The following SUPT3H variants were observed in gnomAD, a reference collection of about 807,000 sequenced individuals.
The protein encoded by SUPT3H is transcription initiation protein SPT3 homolog.
A neutral mutation model predicts 44.3 loss-of-function variants in SUPT3H; 44 were observed. The observed-to-expected ratio is 0.99, with a 90% CI of 0.78 to 1.28. The LOEUF (loss-of-function observed/expected upper bound fraction) is 1.28, where lower values mean the gene tolerates loss of function less well. Ranked by LOEUF, SUPT3H falls within the 50% of genes most tolerant of loss-of-function variation. SUPT3H has a pLI of 0.00. For missense variants in SUPT3H, 380 were observed against 387.1 expected, an observed-to-expected ratio of 0.98 and a Z score of 0.15; for synonymous variants, 124 against 125.6, an observed-to-expected ratio of 0.99 and a Z score of 0.09.
intron 2 of SUPT3H, among the ~76,000 whole-genome samples, chr6:45,314,478 T>G (rs911166513): frequency 6.6e-6 from 1 of 152,180 alleles, no homozygotes; most frequent in Non-Finnish European, 1.5e-5. Flanking sequence ...CACAAATCAG[T>G]AGCTCTTCTA....
Position 45,095,206 on chromosome 6 carries a change from T to C in SUPT3H, c.186+10716A>G, listed in dbSNP as rs1797639904. Among the ~76,000 whole-genome samples the C allele has an allele frequency of 6.6e-6, 1 of 152,196 alleles. No individual in the cohort carries two copies. On this transcript the variant is annotated intron_variant, in intron 3 of 10. Coordinates refer to ENST00000371459, the MANE Select transcript of SUPT3H (RefSeq NM_003599.4). This position sits in a 1 kb window ranked among gnomAD's most constrained non-coding sequence, Gnocchi z 4.1. ...CCTATGATTCATTAGGTCCCCATGG[T>C]ACCTCTGCTTCCTTTATTTTATGCA...
intron 2 of SUPT3H, chr6:45,328,049 T>TG (rs1202416297): frequency 4.1e-6 from 1 of 246,236 alleles, no homozygotes; most frequent in African/African-American, 2.2e-5. Flanking sequence ...TACAGGAGTT[T>TG]GGGCTCCTTC....
At chr6:45,288,782 A>G (rs1172110992) in intron 2 of SUPT3H, among the ~76,000 whole-genome samples, 2 of 151,904 alleles carry the variant, frequency 1.3e-5, no homozygotes, top group Non-Finnish European at 2.9e-5. Context: ...TATAAAGAAC[A>G]CAACTTTTTC....
chr6:44,994,353 T>C (rs1419328409), intron 6 of SUPT3H, among the ~76,000 whole-genome samples: 4 of 152,158 alleles, frequency 2.6e-5, no homozygotes, highest in African/African-American at 9.7e-5. Flanking sequence ...CCACGTTGTG[T>C]CTTAGAGAAA....
chr6:45,334,964 A>G (rs1468541194), intron 2 of SUPT3H, among the ~76,000 whole-genome samples: 1 of 151,314 alleles, frequency 6.6e-6, no homozygotes, highest in Non-Finnish European at 1.5e-5. Context: ...AAGTAACAAT[A>G]ATTAAAAACT....
intron 2 of SUPT3H, among the ~76,000 whole-genome samples, chr6:45,177,188 G>A (rs1272996920): frequency 4.6e-5 from 7 of 152,156 alleles, no homozygotes; most frequent in Non-Finnish European, 8.8e-5. Context: ...TTAGAAGAAT[G>A]TATAACTAGA....
At chr6:45,295,626 T>C (rs1013767963) in intron 2 of SUPT3H, among the ~76,000 whole-genome samples, 1 of 140,518 alleles carries the variant, frequency 7.1e-6, no homozygotes, top group Non-Finnish European at 1.5e-5. Context: ...AAAGGTCTAA[T>C]ACCCAAAATC....
In SUPT3H at chr6:44,860,553, A is replaced by G. The variant is rs192294313; in HGVS notation, c.913-30696T>C. Among the ~76,000 whole-genome samples, 81 of 152,184 alleles carry G rather than the reference A, an allele frequency of 5.3e-4. No individual in the cohort carries two copies. In the East Asian group the frequency reaches 0.01, roughly 19 times the overall value. On this transcript the variant is annotated intron_variant, in intron 10 of 10. Transcript: ENST00000371459. ...ACTGGGAGTAGAACCAGGTCTCCCG[A>G]CTCTTATTCAACTGCTTTTGCCATT... is the stretch of plus-strand genomic sequence containing the variant.
chr6:44,930,074 T>C (rs1770306783), intron 10 of SUPT3H, among the ~76,000 whole-genome samples: 1 of 151,722 alleles, frequency 6.6e-6, no homozygotes, highest in Admixed American at 6.6e-5. Flanking sequence ...ATGGCGAAGT[T>C]CTACTAAAAA....
intron 11 of SUPT3H, among the ~76,000 whole-genome samples, chr6:44,821,586 A>C (rs898218516): frequency 6.6e-6 from 1 of 152,194 alleles, no homozygotes; most frequent in Non-Finnish European, 1.5e-5. Context: ...TAGCCTATCC[A>C]TATGAAAACA....
intron 2 of SUPT3H, among the ~76,000 whole-genome samples, chr6:45,113,572 C>T (rs1392234760): frequency 6.6e-6 from 1 of 151,992 alleles, no homozygotes; most frequent in Non-Finnish European, 1.5e-5. Context: ...GGTGGCTCAA[C>T]CCCAGCACTT....
intron 2 of SUPT3H, among the ~76,000 whole-genome samples, chr6:45,108,027 T>TA (rs1799517296): frequency 6.6e-6 from 1 of 152,160 alleles, no homozygotes; most frequent in Non-Finnish European, 1.5e-5. Context: ...ATCAATCTGA[T>TA]AAAGACCATA....
At chr6:45,329,483 T>C (rs1787021222) in intron 2 of SUPT3H, among the ~76,000 whole-genome samples, 1 of 151,980 alleles carries the variant, frequency 6.6e-6, no homozygotes, top group Non-Finnish European at 1.5e-5. Flanking sequence ...AAAACTTACA[T>C]GCAACTGCAT....
chr6:45,111,225 G>T lies in SUPT3H; in HGVS notation c.102-5219C>A, dbSNP rs530381172. Among the ~76,000 whole-genome samples the T allele has an allele frequency of 3.0e-4, 46 of 152,086 alleles. No homozygotes were observed. In the East Asian group the frequency reaches 7.9e-3, roughly 26 times the overall value. On this transcript the variant is annotated intron_variant, in intron 2 of 10. Coordinates refer to ENST00000371459, the MANE Select transcript of SUPT3H (RefSeq NM_003599.4). Reference sequence around the variant, plus strand: ...TTTTTGTATTTTTAGTAGAGACAGGGTTTCACCATGTTGGCCAGGCTGGTC... The same window carrying T: ...TTTTTGTATTTTTAGTAGAGACAGGTTTTCACCATGTTGGCCAGGCTGGTC...
At chr6:45,111,539 C>CCCCCAAACA (rs1800066126) in intron 2 of SUPT3H, among the ~76,000 whole-genome samples, 1 of 142,340 alleles carries the variant, frequency 7.0e-6, no homozygotes, top group South Asian at 2.3e-4. Flanking sequence ...CTCCCCCCCG[C>CCCCCAAACA]AAAAAAAACA....
At chr6:45,284,872 T>C (rs1014658662) in intron 2 of SUPT3H, among the ~76,000 whole-genome samples, 4 of 152,152 alleles carry the variant, frequency 2.6e-5, no homozygotes, top group East Asian at 1.9e-4. Flanking sequence ...AATTCAGCAG[T>C]GCATCAAAAA....
intron 2 of SUPT3H, among the ~76,000 whole-genome samples, chr6:45,176,138 G>A (rs1024641544): frequency 2.6e-5 from 4 of 152,000 alleles, no homozygotes; most frequent in African/African-American, 4.8e-5. Context: ...GAAGACGGGT[G>A]ATTTCTGCAT....
chr6:45,023,397 TAC>T (rs1242230919), intron 3 of SUPT3H, among the ~76,000 whole-genome samples: 1 of 152,052 alleles, frequency 6.6e-6, no homozygotes, highest in African/African-American at 2.4e-5. Context: ...AAAGCAGAAC[TAC>T]CATTGGACCC....
intron 2 of SUPT3H, among the ~76,000 whole-genome samples, chr6:45,147,152 A>G (rs1013850309): frequency 6.6e-6 from 1 of 152,166 alleles, no homozygotes; most frequent in African/African-American, 2.4e-5. Context: ...CATCAAATGA[A>G]TAAGTAGGTG....
Sources: allele counts gnomAD v4.1 joint callset (sites outside exome capture counted in the v4.1 genomes callset), GRCh38; gene constraint gnomAD v4.1.1; non-coding constraint Gnocchi (gnomAD v3.1); transcripts MANE v1.5; gene names NCBI Gene and HGNC (gene_info 2026-07-23, HGNC 2026-07-21).